The following TMTC1 variants were observed in gnomAD, a reference collection of about 807,000 sequenced individuals.
TMTC1 encodes transmembrane O-mannosyltransferase targeting cadherins 1, also known as protein O-mannosyl-transferase TMTC1.
In TMTC1, 73 loss-of-function variants were observed where a neutral mutation model predicts 104.8. The ratio of observed to expected loss-of-function variants is 0.70; its 90% CI spans 0.58 to 0.85. TMTC1 has a LOEUF of 0.85. Ranked by LOEUF, TMTC1 falls within the 40% of genes least tolerant of loss-of-function variation. The pLI, the probability that TMTC1 is intolerant of heterozygous loss-of-function variation, is 0.00. For synonymous variants in TMTC1, 434 were observed against 428.7 expected, an observed-to-expected ratio of 1.01 and a Z score of -0.15; for missense variants, 1,035 against 1,096.1, an observed-to-expected ratio of 0.94 and a Z score of 0.79.
intron 6 of TMTC1, among the ~76,000 whole-genome samples, chr12:29,632,135 A>G (rs1938329605): frequency 6.6e-6 from 1 of 152,180 alleles, no homozygotes; most frequent in Non-Finnish European, 1.5e-5. Context: ...TTCTTTCCCA[A>G]ACCAAATTTT....
intron 6 of TMTC1, among the ~76,000 whole-genome samples, chr12:29,629,814 G>T (rs1206880614): frequency 6.6e-6 from 1 of 152,102 alleles, no homozygotes; most frequent in Non-Finnish European, 1.5e-5. Flanking sequence ...ATAGTTAATT[G>T]TATGTTATAT....
At chr12:29,548,811 AGGTT>A (rs1199561998) in intron 10 of TMTC1, among the ~76,000 whole-genome samples, 65,496 of 142,856 alleles carry the variant, frequency 0.46, 17,757 homozygotes, top group African/African-American at 0.75. Flanking sequence ...ATAAGTATAA[AGGTT>A]ATATATTGCT....
chr12:29,553,407 C>G (rs1336595177), intron 10 of TMTC1, among the ~76,000 whole-genome samples: 1 of 152,166 alleles, frequency 6.6e-6, no homozygotes, highest in African/African-American at 2.4e-5. Context: ...TTATTTTAAT[C>G]TACTGAATTC....
chr12:29,573,771 C>T (rs1419655950), intron 8 of TMTC1, among the ~76,000 whole-genome samples: 2 of 152,054 alleles, frequency 1.3e-5, no homozygotes, highest in Non-Finnish European at 2.9e-5. Flanking sequence ...CTGGATCATG[C>T]TAAGTCTTAG....
At position 29,578,458 on chromosome 12, in the gene TMTC1, T is replaced by A. The variant is rs77530364; in HGVS notation, c.1418+4949A>T. 8.5e-3 allele frequency among the ~76,000 whole-genome samples: 1,299 copies of A among 152,304 alleles called. 26 individuals carry two copies. The highest frequency in any genetic ancestry group is 0.029 in the African/African-American group (1,190 of 41,574). ...TGATGCTCCAATTTCATACTTCCAG[T>A]TATTATCATGGAAACATCCAGCTTT... On this transcript the variant is annotated intron_variant, in intron 8 of 17. Transcript: ENST00000539277.
intron 5 of TMTC1, among the ~76,000 whole-genome samples, chr12:29,643,718 AT>A (rs372775213): frequency 0.65 from 107 of 164 alleles, 43 homozygotes; most frequent in African/African-American, 0.84. Context: ...TATATATATA[AT>A]ATATAAATAT....
At chr12:29,603,142 T>C (rs1386725600) in intron 7 of TMTC1, among the ~76,000 whole-genome samples, 1 of 152,132 alleles carries the variant, frequency 6.6e-6, no homozygotes, top group Non-Finnish European at 1.5e-5. Context: ...CAAATTGGGC[T>C]GAAGACACAG....
intron 7 of TMTC1, among the ~76,000 whole-genome samples, chr12:29,602,535 C>G (rs890261099): frequency 6.6e-6 from 1 of 152,148 alleles, no homozygotes; most frequent in Non-Finnish European, 1.5e-5. Flanking sequence ...AGAGGAATCA[C>G]GATCATGTTT....
intron 10 of TMTC1, among the ~76,000 whole-genome samples, chr12:29,541,534 TTTTTGATATAG>T (rs1199246994): frequency 6.6e-6 from 1 of 152,196 alleles, no homozygotes; most frequent in African/African-American, 2.4e-5. Flanking sequence ...GAATGTGCCA[TTTTTGATATAG>T]TCTCTCCTAA....
intron 5 of TMTC1, among the ~76,000 whole-genome samples, chr12:29,638,428 T>C (rs1407841916): frequency 6.6e-6 from 1 of 152,066 alleles, no homozygotes; most frequent in East Asian, 1.9e-4. Flanking sequence ...CCCATCCAAC[T>C]CACTGAGAGC....
chr12:29,659,220 G>C (rs1939899773), intron 5 of TMTC1, among the ~76,000 whole-genome samples: 1 of 152,150 alleles, frequency 6.6e-6, no homozygotes, highest in South Asian at 2.1e-4. Flanking sequence ...AGTTATTATT[G>C]ACAAGTGCCT....
At chr12:29,658,059 C>T (rs1052759859) in intron 5 of TMTC1, among the ~76,000 whole-genome samples, 1 of 152,086 alleles carries the variant, frequency 6.6e-6, no homozygotes, top group Non-Finnish European at 1.5e-5. Context: ...CGCCACTGCA[C>T]TCCACACTGG....
intron 1 of TMTC1, among the ~76,000 whole-genome samples, chr12:29,775,493 G>C (rs1368709418): frequency 1.3e-5 from 2 of 152,146 alleles, no homozygotes; most frequent in African/African-American, 4.8e-5. Context: ...TATGGCTATA[G>C]TTTTCTTATA....
At chr12:29,626,087 A>G (rs541070208) in intron 6 of TMTC1, among the ~76,000 whole-genome samples, 1 of 152,348 alleles carries the variant, frequency 6.6e-6, no homozygotes, top group Admixed American at 6.5e-5. Flanking sequence ...AGTTTTATTC[A>G]TTTAGATAAT....
At chr12:29,734,249 T>C (rs758022114) in intron 5 of TMTC1, among the ~76,000 whole-genome samples, 1 of 152,222 alleles carries the variant, frequency 6.6e-6, no homozygotes, top group Non-Finnish European at 1.5e-5. Flanking sequence ...TACAAATTAT[T>C]CACAGGGATA....
At position 29,514,464 on chromosome 12, in the gene TMTC1, T is replaced by C. The variant is rs1471001762; in HGVS notation, c.2430+18A>G. The C allele has an allele frequency of 6.3e-7, 1 of 1,594,926 alleles. No homozygotes were observed. The highest frequency in any genetic ancestry group is 8.5e-7 in the Non-Finnish European group (1 of 1,173,976). ...TAATCTGTGAATTTGATGATATAAT[T>C]TTATGATGAGTTTATACCTCAAAAG... On this transcript the variant is annotated intron_variant, in intron 16 of 17. Coordinates refer to ENST00000539277, the MANE Select transcript of TMTC1 (RefSeq NM_001193451.2).
chr12:29,781,186 A>G lies in TMTC1; in HGVS notation c.302+2264T>C, dbSNP rs114346867. 2.5e-3 allele frequency among the ~76,000 whole-genome samples: 377 copies of G among 152,348 alleles called. 2 individuals are homozygous for G. Among genetic ancestry groups the G allele is most frequent in the African/African-American group, 8.9e-3 (369 of 41,574 alleles). On this transcript the variant is annotated intron_variant, in intron 1 of 17. Coordinates refer to ENST00000539277, the MANE Select transcript of TMTC1 (RefSeq NM_001193451.2). The stretch of plus-strand genomic sequence containing the variant: ...TTAAATCAATGCATGTGAGGACAGA[A>G]AGACTACTTAACATTCTCTTTCTGA...
chr12:29,513,130 T>G (rs944106727), intron 16 of TMTC1, among the ~76,000 whole-genome samples: 4 of 152,184 alleles, frequency 2.6e-5, no homozygotes. Flanking sequence ...ATTCAAACCC[T>G]GACACCGTCT....
intron 5 of TMTC1, among the ~76,000 whole-genome samples, chr12:29,639,615 C>G (rs1378656998): frequency 6.6e-6 from 1 of 152,162 alleles, no homozygotes; most frequent in Non-Finnish European, 1.5e-5. Flanking sequence ...ACTAGCAATT[C>G]CACTCCTAAG....
Sources: allele counts gnomAD v4.1 joint callset (sites outside exome capture counted in the v4.1 genomes callset), GRCh38; gene constraint gnomAD v4.1.1; transcripts MANE v1.5; gene names NCBI Gene and HGNC (gene_info 2026-07-23, HGNC 2026-07-21).